The following KNTC1 variants were observed in gnomAD, a reference collection of about 807,000 sequenced individuals.
KNTC1 encodes kinetochore-associated protein 1.
A neutral mutation model predicts 314.4 loss-of-function variants in KNTC1; 253 were observed. That is an observed-to-expected ratio of 0.80 (90% CI 0.73 to 0.89). The LOEUF is 0.89. Among genes scored for constraint, KNTC1 ranks in the 40% least tolerant of loss-of-function variants. The pLI, the probability that KNTC1 is intolerant of heterozygous loss-of-function variation, is 0.00. For synonymous variants in KNTC1, 901 were observed against 901.4 expected (o/e 1.00, Z 0.01); for missense variants, 2,475 against 2,572.9 (o/e 0.96, Z 0.82).
intron 53 of KNTC1, among the ~76,000 whole-genome samples, chr12:122,612,490 G>A (rs1188234652): frequency 6.7e-6 from 1 of 149,114 alleles, no homozygotes; most frequent in African/African-American, 2.5e-5. Flanking sequence ...CGCGATCTCA[G>A]CTCACTGCAA....
chr12:122,546,777 T>A (rs1259668298), intron 10 of KNTC1, 103 bp downstream of exon 10: 6 of 656,474 alleles, frequency 9.1e-6, no homozygotes, highest in Non-Finnish European at 1.5e-5. Flanking sequence ...GATAACTATC[T>A]TGTGTACTGT....
At chr12:122,547,574 AC>A in intron 11 of KNTC1, 44 bp downstream of exon 11, 1 of 1,164,088 alleles carries the variant, frequency 8.6e-7, no homozygotes, top group Non-Finnish European at 1.3e-6. Context: ...TTCTGTTAGT[AC>A]CAGGTATCTT....
At chr12:122,615,171 AT>A in intron 56 of KNTC1, 85 bp downstream of exon 56, 2 of 988,606 alleles carry the variant, frequency 2.0e-6, no homozygotes, top group Non-Finnish European at 3.1e-6. Flanking sequence ...GATACTTGTT[AT>A]GGAACAGATT....
Position 122,624,695 on chromosome 12 carries a change from C to T in KNTC1, c.6606+7C>T, listed in dbSNP as rs757020976. ...TCCCTGTGAAATTCTGAAGGTAAAG[C>T]TGATGGAAAGTTCTTAGGTTCTAAC... On this transcript the variant is annotated splice_region_variant and intron_variant, in intron 63 of 63. Transcript: ENST00000333479. The T allele has an allele frequency of 1.2e-6, 2 of 1,605,570 alleles. No homozygotes were observed. Among genetic ancestry groups the T allele is most frequent in the Admixed American group, 3.3e-5 (2 of 60,006 alleles).
At chr12:122,571,935 A>C (rs1964713855) in intron 24 of KNTC1, among the ~76,000 whole-genome samples, 1 of 151,950 alleles carries the variant, frequency 6.6e-6, no homozygotes, top group Admixed American at 6.6e-5. Context: ...GGCCTCCCAA[A>C]GTGCTGGATT....
Position 122,620,595 on chromosome 12 carries a change from AC to A in KNTC1, c.6268del (p.Gln2090SerfsTer16), listed in dbSNP as rs1270301717. The A allele has an allele frequency of 2.5e-6, 4 of 1,613,494 alleles. No homozygotes were observed. In the African/African-American group the frequency reaches 5.3e-5, roughly 22 times the overall value. Reference protein sequence around the residue: ...LMLMPHSEKRHQQIKNFLGSC... With the variant: ...LMLMPHSEKRXQQIKNFLGSC... ...CTCATGCCCCACTCAGAGAAAAGAC[AC>A]CAGCAAATTAAGGTATCGTGCACAT... On this transcript the variant is annotated frameshift_variant, in exon 60 of 64. Coordinates refer to ENST00000333479, the MANE Select transcript of KNTC1 (RefSeq NM_014708.6). LOFTEE classifies it high-confidence loss of function.
rs760657673 is a variant in KNTC1, at chr12:122,575,539, G to A, written c.2383-4G>A. The A allele has an allele frequency of 2.5e-6, 4 of 1,576,852 alleles. No homozygotes were observed. In the African/African-American group the frequency reaches 4.0e-5, roughly 16 times the overall value. Reference sequence around the variant, plus strand: ...TTCCTTGTCCATGCGTGCATCTTTTGTAGCTCATATTTGATGCCGTGCTCA... The same window carrying A: ...TTCCTTGTCCATGCGTGCATCTTTTATAGCTCATATTTGATGCCGTGCTCA... On this transcript the variant is annotated splice_polypyrimidine_tract_variant and splice_region_variant and intron_variant, in intron 27 of 63. Coordinates refer to ENST00000333479, the MANE Select transcript of KNTC1 (RefSeq NM_014708.6).
At chr12:122,557,764 A>G (rs2137820665) in intron 18 of KNTC1, 75 bp downstream of exon 18, 1 of 1,009,840 alleles carries the variant, frequency 9.9e-7, no homozygotes, top group East Asian at 2.6e-5. Flanking sequence ...ATCCTGCCTC[A>G]AATATATCTT....
chr12:122,611,992 C>T (rs1189073810), intron 53 of KNTC1, among the ~76,000 whole-genome samples: 1 of 151,300 alleles, frequency 6.6e-6, no homozygotes, highest in Non-Finnish European at 1.5e-5. Context: ...GAAATGGGGG[C>T]TGACTGTGGA....
At chr12:122,615,549 T>G in intron 57 of KNTC1, 23 bp downstream of exon 57, 1 of 1,499,638 alleles carries the variant, frequency 6.7e-7, no homozygotes. Flanking sequence ...TTAAAATAAA[T>G]TTTATTGAAT....
intron 20 of KNTC1, among the ~76,000 whole-genome samples, chr12:122,566,258 T>C (rs1964330952): frequency 1.3e-5 from 2 of 151,686 alleles, no homozygotes; most frequent in Non-Finnish European, 2.9e-5. Context: ...TTTTTTTTTT[T>C]TTCAATGAGA....
Position 122,604,906 on chromosome 12 carries a change from G to T in KNTC1, c.5205G>T (p.Leu1735Phe). 6.2e-7 allele frequency: 1 copy of T among 1,608,446 alleles called. No individual in the cohort carries two copies. Among genetic ancestry groups the T allele is most frequent in the Non-Finnish European group, 8.5e-7 (1 of 1,177,302 alleles). Reference sequence around the variant, plus strand: ...AAAAACGTGAAAAAGCCGAGGCTTTGTTGAAGAAGCTTCATATCCAGTACC... The same window carrying T: ...AAAAACGTGAAAAAGCCGAGGCTTTTTTGAAGAAGCTTCATATCCAGTACC... ...QDEKREKAEA[L>F]LKKLHIQYRR... The change falls in exon 50 of 64, where the codon TTG (leucine) becomes TTT (phenylalanine). Residue 1735 changes from leucine to phenylalanine, a missense_variant. Coordinates refer to ENST00000333479, the MANE Select transcript of KNTC1 (RefSeq NM_014708.6).
intron 18 of KNTC1, among the ~76,000 whole-genome samples, chr12:122,558,653 T>G (rs979544741): frequency 2.0e-5 from 3 of 151,506 alleles, no homozygotes; most frequent in Non-Finnish European, 4.4e-5. Flanking sequence ...CAGAGGTGAG[T>G]GGGTCACCTG....
Position 122,582,806 on chromosome 12 carries a change from G to A in KNTC1, c.3084G>A (p.Ala1028=), listed in dbSNP as rs368106694. The A allele has an allele frequency of 3.0e-5, 48 of 1,612,106 alleles. No homozygotes were observed. The highest frequency in any genetic ancestry group is 1.1e-4 in the East Asian group (5 of 44,826). Residue 1028 remains alanine (A), a synonymous_variant, in exon 34 of 64, where the codon GCG becomes GCA. Transcript: ENST00000333479. ...TTAAAGCTCACGAAGTTGCACAGGCGAAACACAAACCTGGGAGCACCCCAG... is the reference window on the plus strand; with the variant it reads ...TTAAAGCTCACGAAGTTGCACAGGCAAAACACAAACCTGGGAGCACCCCAG... The part of the protein sequence containing the change: ...QHIKAHEVAQ[A]KHKPGSTPEP...
chr12:122,562,078 A>G, intron 19 of KNTC1, 104 bp downstream of exon 19: 5 of 1,139,908 alleles, frequency 4.4e-6, no homozygotes, highest in Non-Finnish European at 6.3e-6. Context: ...AGTTATTTCA[A>G]TACCTTACTT....
intron 20 of KNTC1, among the ~76,000 whole-genome samples, chr12:122,565,925 T>C (rs1964299498): frequency 1.3e-5 from 2 of 151,940 alleles, no homozygotes; most frequent in South Asian, 4.1e-4. Flanking sequence ...ATTTTTTCAT[T>C]TTTAGAGTTT....
intron 1 of KNTC1, among the ~76,000 whole-genome samples, chr12:122,528,345 CTT>C (rs778620541): frequency 6.6e-6 from 1 of 152,192 alleles, no homozygotes; most frequent in Non-Finnish European, 1.5e-5. Context: ...AGGAAGAACT[CTT>C]TAAACATTTA....
chr12:122,527,480 C>CT (rs1404728977), intron 1 of KNTC1, 129 bp downstream of exon 1: 1 of 152,724 alleles, frequency 6.5e-6, no homozygotes, highest in African/African-American at 2.4e-5. Context: ...TCGGTTTTTG[C>CT]TGGCGGCGAT....
chr12:122,578,843 G>A (rs1965200019), intron 31 of KNTC1, among the ~76,000 whole-genome samples: 3 of 152,068 alleles, frequency 2.0e-5, no homozygotes, highest in Non-Finnish European at 4.4e-5. Flanking sequence ...TATTTGCTAT[G>A]CAATAGGCAT....
Sources: gnomAD v4.1 joint callset for allele counts (sites outside exome capture counted in the v4.1 genomes callset) on GRCh38, gnomAD v4.1.1 for gene constraint, MANE v1.5 for transcripts, NCBI Gene and HGNC (gene_info 2026-07-23, HGNC 2026-07-21) for gene names.